The following FAM171A1 variants were observed in gnomAD, a reference collection of about 807,000 sequenced individuals.
FAM171A1 encodes protein FAM171A1.
A neutral mutation model predicts 74.9 loss-of-function variants in FAM171A1; 23 were observed. The ratio of observed to expected loss-of-function variants is 0.31; its 90% confidence interval spans 0.22 to 0.44. The LOEUF (loss-of-function observed/expected upper bound fraction) is 0.44, where lower values mean the gene tolerates loss of function less well. FAM171A1 is among the 20% of genes least tolerant of loss of function. FAM171A1 has a pLI of 1.00. For missense variants in FAM171A1, 1,162 were observed against 1,159.2 expected (o/e 1.00, Z -0.03); for synonymous variants, 527 against 505.7 (o/e 1.04, Z -0.57).
intron 1 of FAM171A1, among the ~76,000 whole-genome samples, chr10:15,362,710 C>T (rs757022879): frequency 6.6e-6 from 1 of 152,136 alleles, no homozygotes; most frequent in Admixed American, 6.5e-5. Flanking sequence ...GGCGACAGAG[C>T]GAGACTCTGT....
At chr10:15,344,196 T>C (rs1253156003) in intron 1 of FAM171A1, among the ~76,000 whole-genome samples, 3 of 152,176 alleles carry the variant, frequency 2.0e-5, no homozygotes, top group African/African-American at 4.8e-5. Flanking sequence ...GAGATTTAAA[T>C]TGGCAAAAAC....
At chr10:15,312,673 G>GTTTTTTTTTTTTTTTTTTT (rs1169098742) in intron 1 of FAM171A1, among the ~76,000 whole-genome samples, 2 of 36,382 alleles carry the variant, frequency 5.5e-5, no homozygotes, top group African/African-American at 1.2e-4. Context: ...AGCACTGTGT[G>GTTTTTTTTTTTTTTTTTTT]TTTTTTTTTT....
At position 15,213,934 on chromosome 10, in the gene FAM171A1, T is replaced by G; in HGVS notation, c.1654A>C (p.Thr552Pro). The G allele has an allele frequency of 6.2e-7, 1 of 1,614,184 alleles. No homozygotes were observed. Among genetic ancestry groups the G allele is most frequent in the Non-Finnish European group, 8.5e-7 (1 of 1,180,038 alleles). ...SRSVDHLERP[T>P]SFPRPGQLIC... ...AACTGGCCGGGCCGTGGGAAGGACGTAGGTCTCTCGAGGTGATCTACTGAT... is the reference window on the plus strand; with the variant it reads ...AACTGGCCGGGCCGTGGGAAGGACGGAGGTCTCTCGAGGTGATCTACTGAT... Residue 552 changes from threonine (T) to proline (P), a missense_variant, in exon 8 of 8, where the codon ACG becomes CCG. Transcript: ENST00000378116. The surrounding 1 kb of genome is among the most constrained non-coding windows in gnomAD (Gnocchi z 6.8).
intron 1 of FAM171A1, among the ~76,000 whole-genome samples, chr10:15,362,092 A>C (rs1179864346): frequency 6.6e-6 from 1 of 152,232 alleles, no homozygotes; most frequent in Non-Finnish European, 1.5e-5. Flanking sequence ...TATTTCATAT[A>C]AAAGTAGGAG....
chr10:15,215,855 C>T (rs1833960314), intron 7 of FAM171A1, 141 bp downstream of exon 7: 7 of 578,422 alleles, frequency 1.2e-5, no homozygotes, highest in Non-Finnish European at 1.8e-5. Flanking sequence ...AATGTGAGTT[C>T]TTACTTTTTC....
chr10:15,272,953 T>C (rs1025190087), intron 3 of FAM171A1, among the ~76,000 whole-genome samples: 3 of 152,116 alleles, frequency 2.0e-5, no homozygotes, highest in African/African-American at 4.8e-5. Context: ...AGATCTAAAA[T>C]TGACACCCTA....
intron 1 of FAM171A1, among the ~76,000 whole-genome samples, chr10:15,292,859 C>G (rs1835118807): frequency 6.6e-6 from 1 of 152,136 alleles, no homozygotes. Context: ...TCATGCCTAA[C>G]TAAAGTAATA....
At chr10:15,240,150 C>T (rs749583954) in intron 5 of FAM171A1, among the ~76,000 whole-genome samples, 11 of 152,170 alleles carry the variant, frequency 7.2e-5, no homozygotes, top group African/African-American at 2.2e-4. Context: ...CACTTGAGGT[C>T]GGGAGTTCGA....
intron 1 of FAM171A1, among the ~76,000 whole-genome samples, chr10:15,316,205 C>T (rs115627117): frequency 6.6e-6 from 1 of 152,172 alleles, no homozygotes; most frequent in Non-Finnish European, 1.5e-5. Context: ...CAACAAGCAC[C>T]CTTGTGCACG....
intron 1 of FAM171A1, among the ~76,000 whole-genome samples, chr10:15,324,240 C>T (rs546262765): frequency 5.9e-5 from 9 of 152,058 alleles, no homozygotes; most frequent in Non-Finnish European, 1.2e-4. Context: ...GACCCAACTT[C>T]CTTCCTTTCT....
chr10:15,301,189 T>C (rs1378984246), intron 1 of FAM171A1, among the ~76,000 whole-genome samples: 4 of 152,116 alleles, frequency 2.6e-5, no homozygotes, highest in Non-Finnish European at 5.9e-5. Context: ...GTTTCTGTTT[T>C]TGAGAGACAG....
At chr10:15,287,627 C>A (rs1835053608) in intron 1 of FAM171A1, among the ~76,000 whole-genome samples, 1 of 152,204 alleles carries the variant, frequency 6.6e-6, no homozygotes, top group South Asian at 2.1e-4. Context: ...ACCTGGTGAT[C>A]TGCCCGCCTT....
intron 1 of FAM171A1, among the ~76,000 whole-genome samples, chr10:15,348,875 A>G (rs1835847097): frequency 6.6e-6 from 1 of 152,146 alleles, no homozygotes; most frequent in Non-Finnish European, 1.5e-5. Flanking sequence ...ACTCCATTTC[A>G]TTTTATCACA....
At chr10:15,226,060 C>T (rs750518046) in intron 5 of FAM171A1, among the ~76,000 whole-genome samples, 1 of 152,172 alleles carries the variant, frequency 6.6e-6, no homozygotes, top group Non-Finnish European at 1.5e-5. Context: ...GTCCTCTGCA[C>T]AAGCAAGCAG....
chr10:15,254,171 C>T (rs945324986), intron 4 of FAM171A1, among the ~76,000 whole-genome samples: 1 of 152,102 alleles, frequency 6.6e-6, no homozygotes, highest in Non-Finnish European at 1.5e-5. Flanking sequence ...TGGCAGAGGG[C>T]GGAGGCTCCC....
intron 2 of FAM171A1, among the ~76,000 whole-genome samples, chr10:15,282,160 A>G (rs1192804812): frequency 6.6e-6 from 1 of 152,156 alleles, no homozygotes; most frequent in African/African-American, 2.4e-5. Flanking sequence ...AGCTCACTGC[A>G]GCCTCCACAT....
At chr10:15,244,089 C>T (rs1388145003) in intron 5 of FAM171A1, among the ~76,000 whole-genome samples, 2 of 152,208 alleles carry the variant, frequency 1.3e-5, no homozygotes, top group African/African-American at 4.8e-5. Flanking sequence ...CATGGTAGCT[C>T]ACGCCTGTCA....
rs567868383 is a variant in FAM171A1, at chr10:15,312,538, C to CCAT, written c.98-28436_98-28434dup. 2.4e-4 allele frequency among the ~76,000 whole-genome samples: 37 copies of CCAT among 152,002 alleles called. No individual in the cohort carries two copies. The South Asian group carries it at 7.7e-3, about 32-fold the overall frequency. Reference sequence around the variant, plus strand: ...TTCTCAGGGACCCTCTCCTGTCCCTCCATACCCCCAGGGCTGTGCAGCTCA... The same window carrying CCAT: ...TTCTCAGGGACCCTCTCCTGTCCCTCCATCATACCCCCAGGGCTGTGCAGCTCA... On this transcript the variant is annotated intron_variant, in intron 1 of 7. Transcript: ENST00000378116.
At chr10:15,324,809 A>C (rs1564279018) in intron 1 of FAM171A1, among the ~76,000 whole-genome samples, 1 of 152,222 alleles carries the variant, frequency 6.6e-6, no homozygotes, top group Admixed American at 6.5e-5. Flanking sequence ...TGTTGTCATG[A>C]TAGAAACCAC....
Sources: gnomAD v4.1 joint callset for allele counts (sites outside exome capture counted in the v4.1 genomes callset) on GRCh38, gnomAD v4.1.1 for gene constraint, Gnocchi (gnomAD v3.1) non-coding constraint, MANE v1.5 for transcripts, NCBI Gene and HGNC (gene_info 2026-07-23, HGNC 2026-07-21) for gene names.